The following MTRF1 variants were observed in gnomAD, a reference collection of about 807,000 sequenced individuals.
MTRF1 encodes mitochondrial translation release factor 1.
A neutral mutation model predicts 62.9 loss-of-function variants in MTRF1; 51 were observed. That is an observed-to-expected ratio of 0.81 (90% CI 0.65 to 1.02). The LOEUF (loss-of-function observed/expected upper bound fraction) is 1.02. MTRF1 is among the 50% of genes least tolerant of loss of function. The probability of loss-of-function intolerance (pLI) is 0.00; values close to 1 mark genes in which losing one functional copy is unlikely to be tolerated. For synonymous variants in MTRF1, 158 were observed against 181.9 expected, an observed-to-expected ratio of 0.87 and a Z score of 1.06; for missense variants, 446 against 530.0, an observed-to-expected ratio of 0.84 and a Z score of 1.56.
At chr13:41,301,202 AG>A in the MTRF1 span, among the ~76,000 whole-genome samples, 2 of 152,186 alleles carry the variant, frequency 1.3e-5, no homozygotes, top group Non-Finnish European at 2.9e-5. Flanking sequence ...TCCTAAGCGC[AG>A]GTAGTGGAAT....
At chr13:41,238,140 CCTA>C (rs1414697647) in intron 6 of MTRF1, among the ~76,000 whole-genome samples, 5 of 152,112 alleles carry the variant, frequency 3.3e-5, no homozygotes, top group Non-Finnish European at 7.4e-5. Flanking sequence ...AATGAACAGA[CCTA>C]CTATCTAGAT....
the MTRF1 span, among the ~76,000 whole-genome samples, chr13:41,304,725 T>A: frequency 1.3e-5 from 2 of 152,224 alleles, no homozygotes; most frequent in Admixed American, 1.3e-4. Context: ...TGCCTGATGT[T>A]TGCTGAGTTT....
intron 8 of MTRF1, 141 bp from the exon 9 acceptor site, chr13:41,223,495 T>G: frequency 1.5e-6 from 1 of 648,690 alleles, no homozygotes; most frequent in Non-Finnish European, 2.6e-6. Context: ...AGAAAAAGAA[T>G]GGGCAGAACT....
At chr13:41,271,054 TACACACACACACACACAC>T in the MTRF1 span, among the ~76,000 whole-genome samples, 8 of 143,374 alleles carry the variant, frequency 5.6e-5, no homozygotes, top group Non-Finnish European at 9.2e-5. Context: ...GCCTTTTAAA[TACACACACACACACACAC>T]ACACACACAC....
chr13:41,260,874 GT>G lies in MTRF1; in HGVS notation c.33del (p.Arg11SerfsTer43). 4 of 1,609,922 alleles carry G rather than the reference GT, an allele frequency of 2.5e-6. No homozygotes were observed. Among genetic ancestry groups the G allele is most frequent in the Non-Finnish European group, 3.4e-6 (4 of 1,176,750 alleles). Reference protein sequence around the residue: MNRHLCVWLFRHPSLNGYLQC... With the variant: MNRHLCVWLFXHPSLNGYLQC... The stretch of plus-strand genomic sequence containing the variant: ...TGGAGGTAACCATTAAGAGATGGAT[GT>G]CTAAAAAGCCAAACACACAGGTGAC... On this transcript the variant is annotated frameshift_variant, in exon 2 of 10. Transcript: ENST00000379480. LOFTEE classifies it high-confidence loss of function.
At chr13:41,256,351 G>C (rs2039716520) in intron 2 of MTRF1, among the ~76,000 whole-genome samples, 1 of 149,238 alleles carries the variant, frequency 6.7e-6, no homozygotes, top group Non-Finnish European at 1.5e-5. Context: ...TTTTGAGATG[G>C]AGTCTTGCTC....
At position 41,217,049 on chromosome 13, in the gene MTRF1, C is replaced by T. The variant is rs539707304; in HGVS notation, c.*66G>A. ...ACAAATATTCATAATGATTTCCAAG[C>T]TTCAGTCTGCCTCTTGATATAGGTC... On this transcript the variant is annotated 3_prime_UTR_variant, in exon 10 of 10. Coordinates refer to ENST00000379480, the MANE Select transcript of MTRF1 (RefSeq NM_004294.4). The T allele has an allele frequency of 2.4e-6, 2 of 832,704 alleles. No homozygotes were observed. The highest frequency in any genetic ancestry group is 1.7e-5 in the African/African-American group (1 of 57,392). 51.6% of individuals were successfully genotyped at this position (832,704 alleles called of 1,614,324 possible).
intron 7 of MTRF1, among the ~76,000 whole-genome samples, chr13:41,231,682 G>C (rs578008068): frequency 6.6e-6 from 1 of 152,310 alleles, no homozygotes; most frequent in African/African-American, 2.4e-5. Flanking sequence ...AGTGCACTCA[G>C]AGCTTCAGAA....
At chr13:41,282,196 T>TGG in the MTRF1 span, among the ~76,000 whole-genome samples, 1 of 150,464 alleles carries the variant, frequency 6.6e-6, no homozygotes, top group Non-Finnish European at 1.5e-5. Flanking sequence ...GCTGACCAGC[T>TGG]GGTAAGAATA....
At chr13:41,281,634 C>G in the MTRF1 span, among the ~76,000 whole-genome samples, 1 of 152,116 alleles carries the variant, frequency 6.6e-6, no homozygotes, top group African/African-American at 2.4e-5. Context: ...TGAAAAAGAA[C>G]GTGTTTAGAT....
At chr13:41,274,238 ATGATTAATTAT>A in the MTRF1 span, among the ~76,000 whole-genome samples, 1 of 152,208 alleles carries the variant, frequency 6.6e-6, no homozygotes, top group South Asian at 2.1e-4. Context: ...TACTGGATTA[ATGATTAATTAT>A]AACTATATTT....
At chr13:41,285,070 C>T in the MTRF1 span, among the ~76,000 whole-genome samples, 2 of 152,304 alleles carry the variant, frequency 1.3e-5, no homozygotes, top group African/African-American at 4.8e-5. Context: ...TACTGATTAA[C>T]GTATGATCTA....
the MTRF1 span, among the ~76,000 whole-genome samples, chr13:41,306,588 G>A: frequency 4.6e-5 from 7 of 152,166 alleles, no homozygotes; most frequent in Non-Finnish European, 8.8e-5. Context: ...CACGTATATG[G>A]GGTGGAGAAA....
chr13:41,220,568 G>T (rs1436000349), intron 9 of MTRF1: 1 of 1,287,668 alleles, frequency 7.8e-7, no homozygotes, highest in Admixed American at 2.3e-5. Context: ...AGAATACCAG[G>T]TGATCTCACA....
intron 5 of MTRF1, among the ~76,000 whole-genome samples, chr13:41,249,113 C>G (rs1438844092): frequency 6.6e-6 from 1 of 151,814 alleles, no homozygotes; most frequent in East Asian, 1.9e-4. Flanking sequence ...GAGTTCCTCT[C>G]CATTTCAATT....
intron 7 of MTRF1, among the ~76,000 whole-genome samples, chr13:41,229,850 C>T (rs186183577): frequency 6.4e-4 from 97 of 152,284 alleles, no homozygotes; most frequent in Admixed American, 2.2e-3. Context: ...CCTGTAATCC[C>T]AGCACTTTGG....
chr13:41,266,996 C>CAAAAAA (rs59609555), upstream of MTRF1, among the ~76,000 whole-genome samples: 3 of 81,214 alleles, frequency 3.7e-5, no homozygotes, highest in African/African-American at 9.2e-5. Context: ...GACTCTGTCT[C>CAAAAAA]AAAAAAAAAA....
At chr13:41,288,228 TG>T in the MTRF1 span, 2 of 431,948 alleles carry the variant, frequency 4.6e-6, no homozygotes, top group Non-Finnish European at 9.2e-6. Context: ...ATAGTGATAA[TG>T]CATTGGGAAA....
chr13:41,279,063 ACTGCAAC>A, the MTRF1 span, among the ~76,000 whole-genome samples: 167 of 152,220 alleles, frequency 1.1e-3, 1 homozygote, highest in Non-Finnish European at 2.0e-3. Flanking sequence ...ATCTCAGCTC[ACTGCAAC>A]CTCTTTCTCC....
Sources: allele counts gnomAD v4.1 joint callset (sites outside exome capture counted in the v4.1 genomes callset), GRCh38; gene constraint gnomAD v4.1.1; transcripts MANE v1.5; gene names NCBI Gene and HGNC (gene_info 2026-07-23, HGNC 2026-07-21).